Variants in MCHR2 observed in about 807,000 individuals in gnomAD.
MCHR2 encodes the protein melanin-concentrating hormone receptor 2.
MCHR2 carries 15 observed loss-of-function variants against 24.8 expected under a neutral mutation model. The observed-to-expected ratio is 0.60, with a 90% confidence interval of 0.40 to 0.93. The LOEUF is 0.93. Among genes scored for constraint, MCHR2 ranks in the 40% least tolerant of loss-of-function variants. The probability of loss-of-function intolerance (pLI) is 0.00; values close to 1 mark genes in which losing one functional copy is unlikely to be tolerated. For synonymous variants in MCHR2, 151 were observed against 147.6 expected, an observed-to-expected ratio of 1.02 and a Z score of -0.17; for missense variants, 386 against 408.7, an observed-to-expected ratio of 0.94 and a Z score of 0.48.
intron 5 of MCHR2, among the ~76,000 whole-genome samples, chr6:99,926,911 T>C (rs564602319): frequency 2.8e-3 from 430 of 152,196 alleles, no homozygotes; most frequent in East Asian, 3.9e-3. Context: ...AGTCCTTGCC[T>C]ATGCCTATGT....
At chr6:99,976,342 C>A (rs1775551395) in intron 1 of MCHR2, among the ~76,000 whole-genome samples, 1 of 152,148 alleles carries the variant, frequency 6.6e-6, no homozygotes, top group Non-Finnish European at 1.5e-5. Context: ...AAGTCTCAAC[C>A]TTTTTATGTC....
At chr6:99,921,934 T>C (rs1774241563) in intron 5 of MCHR2, among the ~76,000 whole-genome samples, 1 of 152,228 alleles carries the variant, frequency 6.6e-6, no homozygotes, top group Non-Finnish European at 1.5e-5. Context: ...GTTCCATCCA[T>C]GTTCTTGCAA....
chr6:99,971,627 C>G (rs1158312313), intron 1 of MCHR2, among the ~76,000 whole-genome samples: 1 of 152,110 alleles, frequency 6.6e-6, no homozygotes, highest in African/African-American at 2.4e-5. Context: ...GAGGGCATCC[C>G]TGTCTTGTGC....
chr6:99,922,356 C>T (rs1774256704), intron 5 of MCHR2, among the ~76,000 whole-genome samples: 1 of 152,130 alleles, frequency 6.6e-6, no homozygotes, highest in South Asian at 2.1e-4. Flanking sequence ...ATCCGCCCGC[C>T]TCGGCCATCC....
At chr6:99,983,921 T>C (rs1414339128) in intron 1 of MCHR2, among the ~76,000 whole-genome samples, 2 of 152,202 alleles carry the variant, frequency 1.3e-5, no homozygotes, top group African/African-American at 4.8e-5. Context: ...TCTATCATAA[T>C]GACAGATGTG....
intron 1 of MCHR2, among the ~76,000 whole-genome samples, chr6:99,958,728 A>G (rs560650595): frequency 6.6e-6 from 1 of 152,284 alleles, no homozygotes; most frequent in East Asian, 1.9e-4. Context: ...AAGCCAATAG[A>G]AGAACCTGTG....
intron 1 of MCHR2, among the ~76,000 whole-genome samples, chr6:99,958,815 GGA>G (rs918567359): frequency 2.4e-4 from 37 of 152,274 alleles, no homozygotes; most frequent in African/African-American, 8.9e-4. Flanking sequence ...TTCTCCCTGG[GGA>G]GAGAGAGAAA....
At position 99,967,159 on chromosome 6, in the gene MCHR2, TA is replaced by T. The variant is rs539361872; in HGVS notation, c.-27-10986del. Among the ~76,000 whole-genome samples the T allele has an allele frequency of 1.9e-4, 28 of 148,028 alleles. No homozygotes were observed. In the East Asian group the frequency reaches 2.2e-3, roughly 11 times the overall value. On this transcript the variant is annotated intron_variant, in intron 1 of 5. Coordinates refer to ENST00000281806, the MANE Select transcript of MCHR2 (RefSeq NM_001040179.2). ...CTTTTGGTAGCAAGATTGTTTTTCT[TA>T]AAAAAAAAAACAGAAATTTATGCTT...
intron 1 of MCHR2, among the ~76,000 whole-genome samples, chr6:99,988,492 A>T (rs543155611): frequency 3.9e-5 from 6 of 152,300 alleles, no homozygotes; most frequent in Admixed American, 2.6e-4. Context: ...AATGGCTGGA[A>T]TTGTGTCACA....
At chr6:99,967,901 TG>T (rs1237370424) in intron 1 of MCHR2, among the ~76,000 whole-genome samples, 3 of 152,200 alleles carry the variant, frequency 2.0e-5, no homozygotes, top group Admixed American at 1.3e-4. Flanking sequence ...CTCTATCTTA[TG>T]TCATTCACTC....
intron 2 of MCHR2, 115 bp downstream of exon 2, chr6:99,955,851 C>CA (rs2114541026): frequency 1.2e-6 from 1 of 854,570 alleles, no homozygotes; most frequent in African/African-American, 1.8e-5. Context: ...CAAATATTTC[C>CA]AAAATTGCAT....
chr6:99,925,149 T>C (rs1007180730), intron 5 of MCHR2, among the ~76,000 whole-genome samples: 8 of 152,166 alleles, frequency 5.3e-5, no homozygotes, highest in African/African-American at 1.9e-4. Flanking sequence ...TTTATCATTA[T>C]ATGGTGATCT....
chr6:99,922,256 G>A (rs1317247453), intron 5 of MCHR2, among the ~76,000 whole-genome samples: 2 of 151,980 alleles, frequency 1.3e-5, no homozygotes, highest in African/African-American at 4.8e-5. Context: ...ACAGGCGCCT[G>A]CCACCACACC....
At chr6:99,931,305 G>A (rs1038636379) in intron 5 of MCHR2, among the ~76,000 whole-genome samples, 1 of 152,198 alleles carries the variant, frequency 6.6e-6, no homozygotes, top group Non-Finnish European at 1.5e-5. Flanking sequence ...CCCATTTGAG[G>A]AGCCAGTCTG....
At chr6:99,942,858 A>G (rs1375068227) in intron 4 of MCHR2, 91 bp downstream of exon 4, 2 of 1,045,920 alleles carry the variant, frequency 1.9e-6, no homozygotes, top group African/African-American at 1.6e-5. Flanking sequence ...ATCCATAAGG[A>G]TACTCTTTGA....
At chr6:99,965,528 A>G (rs1379528042) in intron 1 of MCHR2, among the ~76,000 whole-genome samples, 2 of 152,190 alleles carry the variant, frequency 1.3e-5, no homozygotes, top group African/African-American at 2.4e-5. Flanking sequence ...TAAAAAGTCA[A>G]AATGATTAAT....
intron 1 of MCHR2, among the ~76,000 whole-genome samples, chr6:99,992,364 C>T (rs905350312): frequency 3.9e-5 from 6 of 152,224 alleles, no homozygotes; most frequent in African/African-American, 1.4e-4. Flanking sequence ...ATTGCTGCCT[C>T]TTATGCATTT....
chr6:99,972,043 C>A (rs903461146), intron 1 of MCHR2, among the ~76,000 whole-genome samples: 1 of 152,284 alleles, frequency 6.6e-6, no homozygotes, highest in Admixed American at 6.5e-5. Context: ...GTATCTCTGC[C>A]AGGCTTTGGT....
rs575919598 is a variant in MCHR2 at position 99,985,134 on chromosome 6, C to T, written c.-28+8802G>A. 5.9e-5 allele frequency among the ~76,000 whole-genome samples: 9 copies of T among 152,110 alleles called. 1 individual carries two copies. The South Asian group carries it at 1.9e-3, about 32-fold the overall frequency. ...AGATTTCACCAAGGAGTTAAAAGAT[C>T]TCTACAAAAAGAACTGCAAAACACT... On this transcript the variant is annotated intron_variant, in intron 1 of 5. Coordinates refer to ENST00000281806, the MANE Select transcript of MCHR2 (RefSeq NM_001040179.2).
Sources: gnomAD v4.1 joint callset for allele counts (sites outside exome capture counted in the v4.1 genomes callset) on GRCh38, gnomAD v4.1.1 for gene constraint, MANE v1.5 for transcripts, NCBI Gene and HGNC (gene_info 2026-07-23, HGNC 2026-07-21) for gene names.